SLC38A4: variants seen among roughly 807,000 people sequenced by gnomAD.
SLC38A4 encodes the protein solute carrier family 38 member 4, also known as sodium-coupled neutral amino acid transporter 4.
In SLC38A4, 20 loss-of-function variants were observed where a neutral mutation model predicts 63.1. The observed-to-expected ratio is 0.32, with a 90% CI of 0.22 to 0.46. The LOEUF is 0.46. Among genes scored for constraint, SLC38A4 ranks in the 20% least tolerant of loss-of-function variants. The pLI is 1.00. For missense variants in SLC38A4, 526 were observed against 663.6 expected, an observed-to-expected ratio of 0.79 and a Z score of 2.28; for synonymous variants, 230 against 225.5, an observed-to-expected ratio of 1.02 and a Z score of -0.18.
At chr12:46,796,745 C>A (rs2429469) in intron 2 of SLC38A4, among the ~76,000 whole-genome samples, 1 of 82,448 alleles carries the variant, frequency 1.2e-5, no homozygotes, top group East Asian at 2.9e-4. Flanking sequence ...CTTATCCTAG[C>A]ATCCTCCCTT....
At chr12:46,816,295 A>G (rs1172458219) in intron 1 of SLC38A4, among the ~76,000 whole-genome samples, 3 of 151,848 alleles carry the variant, frequency 2.0e-5, no homozygotes, top group Admixed American at 6.6e-5. Flanking sequence ...TTAAAGGGTA[A>G]TATTTGGATG....
intron 3 of SLC38A4, among the ~76,000 whole-genome samples, chr12:46,791,428 C>T (rs1048470128): frequency 3.9e-5 from 6 of 152,142 alleles, no homozygotes; most frequent in Admixed American, 3.3e-4. Flanking sequence ...ATCTCAGTGG[C>T]CTCTCTAGTC....
intron 14 of SLC38A4, among the ~76,000 whole-genome samples, chr12:46,770,813 ATGC>A: frequency 6.6e-6 from 1 of 152,284 alleles, no homozygotes; most frequent in South Asian, 2.1e-4. Context: ...ATTTTTGGAA[ATGC>A]TGTGATTGAT....
intron 1 of SLC38A4, among the ~76,000 whole-genome samples, chr12:46,819,175 G>A (rs558721466): frequency 2.0e-5 from 3 of 151,766 alleles, no homozygotes; most frequent in South Asian, 4.2e-4. Flanking sequence ...CAAATAAAAC[G>A]TAAGATGTGG....
intron 3 of SLC38A4, among the ~76,000 whole-genome samples, chr12:46,792,180 C>A (rs2429466): frequency 2.0e-5 from 3 of 151,898 alleles, no homozygotes. Flanking sequence ...GAAATCAGGG[C>A]TCTCTCCCTG....
chr12:46,784,462 G>T, intron 7 of SLC38A4, 80 bp downstream of exon 7: 1 of 1,110,234 alleles, frequency 9.0e-7, no homozygotes, highest in Non-Finnish European at 1.3e-6. Flanking sequence ...TAAAGTGCCT[G>T]TTTATTGCCA....
chr12:46,777,253 G>T (rs565141121), intron 12 of SLC38A4, among the ~76,000 whole-genome samples: 8 of 151,878 alleles, frequency 5.3e-5, no homozygotes, highest in Non-Finnish European at 1.0e-4. Flanking sequence ...TCTATTTCAC[G>T]TAGGTCAGTA....
chr12:46,780,150 A>G, intron 7 of SLC38A4, 120 bp from the exon 8 acceptor site: 1 of 765,728 alleles, frequency 1.3e-6, no homozygotes, highest in Non-Finnish European at 2.2e-6. Context: ...AAAAAAAGTC[A>G]TTGTGTATTT....
intron 3 of SLC38A4, among the ~76,000 whole-genome samples, 171 bp from the exon 4 acceptor site, chr12:46,788,789 T>C (rs1278737422): frequency 6.6e-6 from 1 of 152,104 alleles, no homozygotes; most frequent in Non-Finnish European, 1.5e-5. Flanking sequence ...CAATTTTGAG[T>C]TCCATTTACA....
rs1249288415 is a variant in SLC38A4 at position 46,769,408 on chromosome 12, T to G, written c.1320A>C (p.Thr440=). 1.2e-6 allele frequency: 2 copies of G among 1,613,238 alleles called. No individual in the cohort carries two copies. The highest frequency in any genetic ancestry group is 2.7e-5 in the African/African-American group (2 of 74,884). Residue 440 remains threonine (T), a synonymous_variant, in exon 15 of 17, where the codon ACA becomes ACC. Transcript: ENST00000266579. ...TGAAGGGTCGTTTGGGAAATAACAG[T>G]GTGATCACTGATGTACGAATCTTAA... ...VLFPIRTSVI[T]LLFPKRPFSW...
At chr12:46,796,234 C>T (rs999803525) in intron 2 of SLC38A4, among the ~76,000 whole-genome samples, 2 of 152,074 alleles carry the variant, frequency 1.3e-5, no homozygotes, top group South Asian at 4.1e-4. Context: ...ATAATTTGCT[C>T]TTATCCTCTT....
intron 16 of SLC38A4, 101 bp downstream of exon 16, chr12:46,768,209 T>G: frequency 1.2e-6 from 1 of 864,546 alleles, no homozygotes; most frequent in Admixed American, 2.8e-5. Context: ...TTTTTGGTTC[T>G]TGTACATTGA....
intron 7 of SLC38A4, among the ~76,000 whole-genome samples, chr12:46,781,762 A>C (rs1034678944): frequency 6.6e-6 from 1 of 152,010 alleles, no homozygotes; most frequent in African/African-American, 2.4e-5. Context: ...TTTATACTTT[A>C]TTCCATTGTT....
intron 1 of SLC38A4, among the ~76,000 whole-genome samples, chr12:46,814,309 C>T (rs1453428504): frequency 1.3e-5 from 2 of 151,872 alleles, no homozygotes; most frequent in Non-Finnish European, 2.9e-5. Context: ...CCCCTGGAAT[C>T]TCAGAAAACA....
intron 7 of SLC38A4, among the ~76,000 whole-genome samples, chr12:46,783,059 T>TGTGCGTGTGTG (rs10691484): frequency 7.3e-6 from 1 of 136,286 alleles, no homozygotes; most frequent in African/African-American, 2.8e-5. Flanking sequence ...TGTGTGTGTG[T>TGTGCGTGTGTG]TAGGGTTGGA....
intron 2 of SLC38A4, among the ~76,000 whole-genome samples, chr12:46,803,280 G>A (rs1939167839): frequency 6.6e-6 from 1 of 151,870 alleles, no homozygotes; most frequent in Non-Finnish European, 1.5e-5. Context: ...CTTCATTATA[G>A]TCCATGATCA....
intron 1 of SLC38A4, among the ~76,000 whole-genome samples, chr12:46,818,376 T>C (rs1278904428): frequency 6.6e-6 from 1 of 151,864 alleles, no homozygotes; most frequent in Non-Finnish European, 1.5e-5. Flanking sequence ...AAATATTATT[T>C]ATATGCTGAT....
intron 1 of SLC38A4, among the ~76,000 whole-genome samples, chr12:46,823,655 A>G (rs1185365261): frequency 6.6e-6 from 1 of 152,238 alleles, no homozygotes; most frequent in African/African-American, 2.4e-5. Context: ...TGAATTGACA[A>G]TATGTCTCTG....
At chr12:46,776,877 T>C (rs1011607757) in intron 13 of SLC38A4, 27 bp downstream of exon 13, 1 of 1,596,404 alleles carries the variant, frequency 6.3e-7, no homozygotes, top group African/African-American at 1.3e-5. Context: ...GATTTGCATA[T>C]AGAGAATGAC....
Sources: allele counts gnomAD v4.1 joint callset (sites outside exome capture counted in the v4.1 genomes callset), GRCh38; gene constraint gnomAD v4.1.1; transcripts MANE v1.5; gene names NCBI Gene and HGNC (gene_info 2026-07-23, HGNC 2026-07-21).